TSC22D2: variants seen among roughly 807,000 people sequenced by gnomAD.
TSC22D2 encodes TSC22 domain family protein 2.
In TSC22D2, 5 loss-of-function variants were observed where a neutral mutation model predicts 50.1. The observed-to-expected ratio is 0.10, with a 90% CI of 0.05 to 0.21. The LOEUF (loss-of-function observed/expected upper bound fraction) is 0.21. TSC22D2 is among the 10% of genes least tolerant of loss of function. The probability of loss-of-function intolerance (pLI) is 1.00; values close to 1 mark genes in which losing one functional copy is unlikely to be tolerated. For missense variants in TSC22D2, 1,003 were observed against 1,015.5 expected, an observed-to-expected ratio of 0.99 and a Z score of 0.17; for synonymous variants, 501 against 450.1, an observed-to-expected ratio of 1.11 and a Z score of -1.43.
intron 1 of TSC22D2, among the ~76,000 whole-genome samples, chr3:150,428,550 T>C (rs1720270729): frequency 6.6e-6 from 1 of 151,082 alleles, no homozygotes; most frequent in Non-Finnish European, 1.5e-5. Context: ...GAAGAATTTA[T>C]ATGTAAATTC....
chr3:150,440,749 T>C (rs1162647479), intron 1 of TSC22D2, among the ~76,000 whole-genome samples: 2 of 152,080 alleles, frequency 1.3e-5, no homozygotes, highest in African/African-American at 2.4e-5. Context: ...CATGAAGTTT[T>C]TTGGTTTTGT....
In TSC22D2 at chr3:150,410,851, G is replaced by C; in HGVS notation, c.1501G>C (p.Ala501Pro). ...GTCAGCCGTACCTGGTGGCCCTCACGCCGTGGTGCCCGGAGTTCCAAACGT... is the reference window on the plus strand; with the variant it reads ...GTCAGCCGTACCTGGTGGCCCTCACCCCGTGGTGCCCGGAGTTCCAAACGT... ...PLSAVPGGPHAVVPGVPNVPA... is the reference protein window; with the variant it reads ...PLSAVPGGPHPVVPGVPNVPA... The change falls in exon 1 of 3, where the codon GCC becomes CCC. Residue 501 changes from alanine to proline, a missense_variant. Coordinates refer to ENST00000688009, the MANE Select transcript of TSC22D2 (RefSeq NM_001303264.2). The C allele has an allele frequency of 6.2e-7, 1 of 1,613,818 alleles. No homozygotes were observed. The highest frequency in any genetic ancestry group is 1.1e-5 in the South Asian group (1 of 91,072).
chr3:150,413,507 AC>A (rs1461868815), intron 1 of TSC22D2, among the ~76,000 whole-genome samples: 1 of 149,862 alleles, frequency 6.7e-6, no homozygotes, highest in Non-Finnish European at 1.5e-5. Flanking sequence ...GGTCCAACAT[AC>A]CTGGTGAAGG....
intron 1 of TSC22D2, among the ~76,000 whole-genome samples, chr3:150,429,230 T>G (rs1300022031): frequency 6.6e-6 from 1 of 152,086 alleles, no homozygotes; most frequent in Non-Finnish European, 1.5e-5. Context: ...GTAAGCTTAT[T>G]TGGAAATGAG....
chr3:150,446,956 TTAAC>T (rs1289024005), intron 1 of TSC22D2, among the ~76,000 whole-genome samples: 29 of 152,226 alleles, frequency 1.9e-4, no homozygotes, highest in Admixed American at 1.9e-3. Flanking sequence ...GAAAGCTATT[TTAAC>T]TAACATTTCT....
At chr3:150,456,484 G>A (rs1350205583) in intron 1 of TSC22D2, among the ~76,000 whole-genome samples, 4 of 151,938 alleles carry the variant, frequency 2.6e-5, no homozygotes, top group South Asian at 2.1e-4. Context: ...CACCACGCCC[G>A]GCTGAATGTT....
chr3:150,419,963 A>G (rs1305295014), intron 1 of TSC22D2, among the ~76,000 whole-genome samples: 1 of 152,200 alleles, frequency 6.6e-6, no homozygotes, highest in Non-Finnish European at 1.5e-5. Context: ...CTGGTTTCAA[A>G]TTTTATTTCT....
rs1431082955 is a variant in TSC22D2 at position 150,409,659 on chromosome 3, CGGA to C, written c.317_319del (p.Gly106del). 3.7e-6 allele frequency: 6 copies of C among 1,602,940 alleles called. No individual in the cohort carries two copies. Among genetic ancestry groups the C allele is most frequent in the Middle Eastern group, 1.7e-4 (1 of 5,986 alleles). ...CAGCGGCGGCTGCTGCTCCCGCCAA[CGGA>C]GGAGGAGTCGTTTCGGCCCGGAGCG... On this transcript the variant is annotated inframe_deletion, in exon 1 of 3. Transcript: ENST00000688009. This position sits in a 1 kb window ranked among gnomAD's most constrained non-coding sequence, Gnocchi z 7.4.
At chr3:150,443,843 A>T (rs904898162) in intron 1 of TSC22D2, among the ~76,000 whole-genome samples, 5 of 152,170 alleles carry the variant, frequency 3.3e-5, no homozygotes, top group Non-Finnish European at 7.4e-5. Flanking sequence ...TAAATCCATG[A>T]TTCTAATGTA....
chr3:150,415,086 A>G (rs1445083232), intron 1 of TSC22D2, among the ~76,000 whole-genome samples: 3 of 151,998 alleles, frequency 2.0e-5, no homozygotes, highest in Admixed American at 2.0e-4. Flanking sequence ...TTCATCAGGG[A>G]TTACTGATGG....
intron 1 of TSC22D2, among the ~76,000 whole-genome samples, chr3:150,425,549 CT>C (rs1560083471): frequency 6.6e-6 from 1 of 152,150 alleles, no homozygotes; most frequent in Non-Finnish European, 1.5e-5. Context: ...GTTTAAGGGA[CT>C]GCAAGTCCCT....
intron 1 of TSC22D2, among the ~76,000 whole-genome samples, chr3:150,447,961 T>G (rs1720935291): frequency 6.6e-6 from 1 of 152,198 alleles, no homozygotes; most frequent in African/African-American, 2.4e-5. Context: ...TAATGTGCTG[T>G]CATCAGATTA....
At chr3:150,425,236 A>G (rs942659036) in intron 1 of TSC22D2, among the ~76,000 whole-genome samples, 9 of 151,980 alleles carry the variant, frequency 5.9e-5, no homozygotes, top group African/African-American at 2.2e-4. Context: ...TATTAAAGAG[A>G]GACATAGACT....
intron 1 of TSC22D2, among the ~76,000 whole-genome samples, chr3:150,411,513 G>C (rs891494147): frequency 6.6e-6 from 1 of 152,124 alleles, no homozygotes; most frequent in Non-Finnish European, 1.5e-5. Flanking sequence ...TTGTTTAAAA[G>C]CACTAAAATG....
chr3:150,421,005 C>A (rs1036701830), intron 1 of TSC22D2, among the ~76,000 whole-genome samples: 1 of 152,186 alleles, frequency 6.6e-6, no homozygotes, highest in Non-Finnish European at 1.5e-5. Context: ...ATCATTTGAA[C>A]CCAGGAGGCA....
rs1721341112 is a variant in TSC22D2 at position 150,459,991 on chromosome 3, C to G, written c.*1355C>G. On this transcript the variant is annotated 3_prime_UTR_variant, in exon 3 of 3. Transcript: ENST00000688009. ...TACTGAGTATTTAAATTAAAATGTACATTTCATAAATACAGTTTCAAAAGA... is the reference window on the plus strand; with the variant it reads ...TACTGAGTATTTAAATTAAAATGTAGATTTCATAAATACAGTTTCAAAAGA... The G allele has an allele frequency of 6.6e-6, 1 of 151,984 alleles. No homozygotes were observed. Among genetic ancestry groups the G allele is most frequent in the Non-Finnish European group, 1.5e-5 (1 of 67,986 alleles). The allele number at this position is 151,984 out of a possible 1,614,324, so 9.4% of individuals were successfully genotyped here.
At position 150,459,902 on chromosome 3, in the gene TSC22D2, G is replaced by A. The variant is rs1232191986; in HGVS notation, c.*1266G>A. 6.0e-5 allele frequency: 9 copies of A among 150,576 alleles called. No homozygotes were observed. Among genetic ancestry groups the A allele is most frequent in the South Asian group, 4.2e-4 (2 of 4,756 alleles). 9.3% of individuals were successfully genotyped at this position (150,576 alleles called of 1,614,324 possible). ...GTTTTGAATTTCGTATGCAGAAAAC[G>A]TTTTGTTACATTGCAGATTTTAATG... On this transcript the variant is annotated 3_prime_UTR_variant, in exon 3 of 3. Coordinates refer to ENST00000688009, the MANE Select transcript of TSC22D2 (RefSeq NM_001303264.2).
At position 150,409,673 on chromosome 3, in the gene TSC22D2, T is replaced by A; in HGVS notation, c.323T>A (p.Val108Asp). ...GCTCCCGCCAACGGAGGAGGAGTCG[T>A]TTCGGCCCGGAGCGTGTCTGGGGCG... ...AAAPANGGGV[V>D]SARSVSGALA... Residue 108 changes from valine (V) to aspartate (D), a missense_variant, in exon 1 of 3, where the codon GTT (valine) becomes GAT (aspartate). By Grantham distance (152) the Val-to-Asp change is radical. This residue lies in a region of TSC22D2 where 200 missense variants were observed against 182.8 expected (regional missense o/e 1.09). Coordinates refer to ENST00000688009, the MANE Select transcript of TSC22D2 (RefSeq NM_001303264.2). The surrounding 1 kb of genome is among the most constrained non-coding windows in gnomAD (Gnocchi z 7.4). 1 of 1,595,642 alleles carries A rather than the reference T, an allele frequency of 6.3e-7. No individual in the cohort carries two copies. The highest frequency in any genetic ancestry group is 1.1e-5 in the South Asian group (1 of 89,732).
Position 150,458,607 on chromosome 3 carries a change from C to T in TSC22D2, c.2242C>T (p.Pro748Ser). 1 of 1,614,168 alleles carries T rather than the reference C, an allele frequency of 6.2e-7. No individual in the cohort carries two copies. Among genetic ancestry groups the T allele is most frequent in the Non-Finnish European group, 8.5e-7 (1 of 1,180,014 alleles). The stretch of plus-strand genomic sequence containing the variant: ...ACAGCCTCCGCAGCCAACGCAACCT[C>T]CACAGCAGCCGAATGTCTCCTCAGC... Reference protein sequence around the residue: ...IAQPPQPTQPPQQPNVSSA With the variant: ...IAQPPQPTQPSQQPNVSSA The change falls in exon 3 of 3, where the codon CCA becomes TCA. Residue 748 changes from proline to serine, a missense_variant. Around this residue, in one of 6 missense-constraint regions of TSC22D2, gnomAD observed 54 missense variants for 51.4 expected, o/e 1.05. Coordinates refer to ENST00000688009, the MANE Select transcript of TSC22D2 (RefSeq NM_001303264.2).
Sources: gnomAD v4.1 joint callset for allele counts (sites outside exome capture counted in the v4.1 genomes callset) on GRCh38, gnomAD v4.1.1 for gene constraint, gnomAD v4.1.1 regional missense constraint, Gnocchi (gnomAD v3.1) non-coding constraint, MANE v1.5 for transcripts, NCBI Gene and HGNC (gene_info 2026-07-23, HGNC 2026-07-21) for gene names.